CDH18: variants seen among roughly 807,000 people sequenced by gnomAD.
CDH18 encodes the protein cadherin-18.
In CDH18, 31 loss-of-function variants were observed where a neutral mutation model predicts 67.9. That is an observed-to-expected ratio of 0.46 (90% CI 0.34 to 0.62). The LOEUF is 0.62. Among genes scored for constraint, CDH18 ranks in the 20% least tolerant of loss-of-function variants. The probability of loss-of-function intolerance (pLI) is 0.01; values close to 1 mark genes in which losing one functional copy is unlikely to be tolerated. For missense variants in CDH18, 890 were observed against 975.5 expected, an observed-to-expected ratio of 0.91 and a Z score of 1.17; for synonymous variants, 362 against 347.2, an observed-to-expected ratio of 1.04 and a Z score of -0.48.
chr5:19,817,784 C>T (rs1449315282), intron 3 of CDH18, among the ~76,000 whole-genome samples: 1 of 152,006 alleles, frequency 6.6e-6, no homozygotes, highest in African/African-American at 2.4e-5. Flanking sequence ...ACTTCTTACC[C>T]AGGAGCTCAA....
intron 6 of CDH18, among the ~76,000 whole-genome samples, chr5:19,608,261 C>T (rs1014434313): frequency 1.3e-5 from 2 of 151,434 alleles, no homozygotes; most frequent in Non-Finnish European, 3.0e-5. Flanking sequence ...TAAAGAAATG[C>T]TCAAAACGTT....
intron 2 of CDH18, among the ~76,000 whole-genome samples, chr5:20,071,338 C>A (rs568327920): frequency 2.6e-5 from 4 of 151,790 alleles, no homozygotes; most frequent in Non-Finnish European, 5.9e-5. Context: ...GTGCTAAACT[C>A]CCCCCAAACA....
In CDH18 at chr5:19,839,026, C is replaced by T. The variant is rs1781990320; in HGVS notation, c.-40G>A. 2 of 1,524,880 alleles carry T rather than the reference C, an allele frequency of 1.3e-6. No homozygotes were observed. Among genetic ancestry groups the T allele is most frequent in the Non-Finnish European group, 1.8e-6 (2 of 1,100,490 alleles). 94.5% of individuals were successfully genotyped at this position (1,524,880 alleles called of 1,614,324 possible). On this transcript the variant is annotated 5_prime_UTR_variant, in exon 3 of 13. Transcript: ENST00000382275. ...CCAGTTCACAGTTTTCCTTCCTTTCCTTGTCAGCTACGAAAGCTTAGTGAG... is the reference window on the plus strand; with the variant it reads ...CCAGTTCACAGTTTTCCTTCCTTTCTTTGTCAGCTACGAAAGCTTAGTGAG...
At chr5:19,774,264 G>T (rs544164387) in intron 3 of CDH18, among the ~76,000 whole-genome samples, 1 of 151,728 alleles carries the variant, frequency 6.6e-6, no homozygotes, top group African/African-American at 2.4e-5. Context: ...TTATATTAAG[G>T]GGGGCTGGGC....
intron 2 of CDH18, among the ~76,000 whole-genome samples, chr5:20,167,786 G>A (rs1323684746): frequency 6.6e-6 from 1 of 152,162 alleles, no homozygotes; most frequent in East Asian, 1.9e-4. Flanking sequence ...AAGTAATACG[G>A]CCCAAAGGAC....
At chr5:19,479,960 T>C (rs1739126798) in intron 12 of CDH18, among the ~76,000 whole-genome samples, 2 of 152,196 alleles carry the variant, frequency 1.3e-5, no homozygotes, top group African/African-American at 4.8e-5. Flanking sequence ...AAATGAAGTA[T>C]CATTCCATGA....
chr5:20,218,826 A>T (rs1740988580), intron 2 of CDH18, among the ~76,000 whole-genome samples: 1 of 151,966 alleles, frequency 6.6e-6, no homozygotes, highest in African/African-American at 2.4e-5. Flanking sequence ...CTTCTTTATT[A>T]TCAGGCTTGG....
At chr5:19,960,581 GTGTGTGTGTATA>G (rs1796703949) in intron 2 of CDH18, among the ~76,000 whole-genome samples, 1 of 122,936 alleles carries the variant, frequency 8.1e-6, no homozygotes, top group African/African-American at 4.6e-5. Flanking sequence ...GTGTGTGTGT[GTGTGTGTGTATA>G]TATATATATA....
chr5:20,513,585 T>C lies in CDH18; in HGVS notation c.-580+61877A>G, dbSNP rs530783331. On this transcript the variant is annotated intron_variant, in intron 1 of 14. Coordinates refer to the CDH18 transcript ENST00000507958. ...CTAAAATCTAGATTTATGCTACAAG[T>C]CTTACATGTAGGCAGAAATGTCCAG... 7.2e-4 allele frequency among the ~76,000 whole-genome samples: 110 copies of C among 152,238 alleles called. 1 individual carries two copies. Among genetic ancestry groups the C allele is most frequent in the African/African-American group, 2.6e-3 (110 of 41,562 alleles).
intron 2 of CDH18, among the ~76,000 whole-genome samples, chr5:20,010,077 C>G (rs556855204): frequency 2.0e-5 from 3 of 150,280 alleles, no homozygotes; most frequent in Non-Finnish European, 4.4e-5. Flanking sequence ...GATCTGTCAA[C>G]GGAGACTCCA....
chr5:19,741,330 TCACA>T (rs60803879), intron 4 of CDH18, among the ~76,000 whole-genome samples: 11,834 of 145,596 alleles, frequency 0.081, 1,004 homozygotes, highest in East Asian at 0.24. Flanking sequence ...TATACATGTC[TCACA>T]CACACACACA....
chr5:20,171,085 A>T (rs1580395547), intron 2 of CDH18, among the ~76,000 whole-genome samples: 1 of 151,302 alleles, frequency 6.6e-6, no homozygotes, highest in African/African-American at 2.4e-5. Flanking sequence ...TCCCTGGTGT[A>T]TATGTACCAC....
intron 2 of CDH18, among the ~76,000 whole-genome samples, chr5:19,905,130 A>C (rs1043049400): frequency 6.6e-6 from 1 of 152,206 alleles, no homozygotes; most frequent in African/African-American, 2.4e-5. Flanking sequence ...GTGAAAAGAA[A>C]AATGAAGTTC....
intron 1 of CDH18, among the ~76,000 whole-genome samples, chr5:20,296,070 T>G (rs973465821): frequency 6.6e-6 from 1 of 151,262 alleles, no homozygotes; most frequent in African/African-American, 2.4e-5. Flanking sequence ...GAGACGGGGT[T>G]TCGCCACGTT....
At chr5:20,024,306 A>G (rs1738696224) in intron 2 of CDH18, among the ~76,000 whole-genome samples, 1 of 152,234 alleles carries the variant, frequency 6.6e-6, no homozygotes, top group African/African-American at 2.4e-5. Flanking sequence ...TGGAAATAAC[A>G]TATGGCTCCC....
chr5:20,249,229 ACTT>A (rs1211780556), intron 2 of CDH18, among the ~76,000 whole-genome samples: 13 of 152,246 alleles, frequency 8.5e-5, no homozygotes, highest in Admixed American at 8.5e-4. Context: ...TATTTTTAAA[ACTT>A]CATCAAAATA....
intron 3 of CDH18, among the ~76,000 whole-genome samples, chr5:19,779,148 T>C (rs1032446411): frequency 2.0e-5 from 3 of 152,160 alleles, no homozygotes; most frequent in Non-Finnish European, 4.4e-5. Flanking sequence ...AAACTGAGAC[T>C]ATGGAAAGAT....
chr5:19,845,309 A>G (rs1782805103), intron 2 of CDH18, among the ~76,000 whole-genome samples: 1 of 152,066 alleles, frequency 6.6e-6, no homozygotes, highest in African/African-American at 2.4e-5. Context: ...ATTTCTACAT[A>G]TTTACAAATG....
intron 3 of CDH18, among the ~76,000 whole-genome samples, chr5:19,805,995 C>G (rs575106488): frequency 6.6e-6 from 1 of 152,104 alleles, no homozygotes; most frequent in East Asian, 1.9e-4. Context: ...CACCCATCCA[C>G]GTTCTCTGGC....
Sources: gnomAD v4.1 joint callset for allele counts (sites outside exome capture counted in the v4.1 genomes callset) on GRCh38, gnomAD v4.1.1 for gene constraint, MANE v1.5 for transcripts, NCBI Gene and HGNC (gene_info 2026-07-23, HGNC 2026-07-21) for gene names.